BICC1: variants seen among roughly 807,000 people sequenced by gnomAD.
BICC1 encodes the protein BicC family RNA binding protein 1.
BICC1 carries 43 observed loss-of-function variants against 111.0 expected under a neutral mutation model. The observed-to-expected ratio is 0.39, with a 90% CI of 0.30 to 0.50. The LOEUF (loss-of-function observed/expected upper bound fraction) is 0.50. Among genes scored for constraint, BICC1 ranks in the 20% least tolerant of loss-of-function variants. The pLI, the probability that BICC1 is intolerant of heterozygous loss-of-function variation, is 0.88. For missense variants in BICC1, 1,091 were observed against 1,203.2 expected (o/e 0.91, Z 1.38); for synonymous variants, 467 against 434.4 (o/e 1.07, Z -0.93).
rs1321910182 is a variant in BICC1, at chr10:58,814,348, T to C, written c.2533+362T>C. On this transcript the variant is annotated intron_variant, in intron 18 of 20. Coordinates refer to ENST00000373886, the MANE Select transcript of BICC1 (RefSeq NM_001080512.3). ...AAGTATTCTGTTATGCTCTGCCTTA[T>C]TGGATATTTCTTCCCAAACGCCTAG... 7.3e-6 allele frequency: 4 copies of C among 548,604 alleles called. No homozygotes were observed. In the African/African-American group the frequency reaches 7.6e-5, roughly 10 times the overall value. 34.0% of individuals were successfully genotyped at this position (548,604 alleles called of 1,614,324 possible).
chr10:58,751,269 C>G (rs1841984463), intron 3 of BICC1, among the ~76,000 whole-genome samples: 1 of 152,148 alleles, frequency 6.6e-6, no homozygotes, highest in Non-Finnish European at 1.5e-5. Flanking sequence ...TATTTCTATA[C>G]TACTAAAGTG....
At chr10:58,608,645 A>G (rs1044182151) in intron 1 of BICC1, among the ~76,000 whole-genome samples, 2 of 152,324 alleles carry the variant, frequency 1.3e-5, no homozygotes, top group Non-Finnish European at 1.5e-5. Flanking sequence ...TTAGAGGTCA[A>G]AGTAGAAGGC....
chr10:58,709,892 G>C (rs1266511649), intron 3 of BICC1, among the ~76,000 whole-genome samples: 1 of 152,184 alleles, frequency 6.6e-6, no homozygotes, highest in Non-Finnish European at 1.5e-5. Context: ...ACCTGAATGA[G>C]TGAAACTCCG....
At chr10:58,786,877 C>A in intron 4 of BICC1, 46 bp from the exon 5 acceptor site, 2 of 1,416,882 alleles carry the variant, frequency 1.4e-6, no homozygotes, top group South Asian at 1.7e-5. Context: ...GGAGGTCATT[C>A]TTTCCTTTTG....
At chr10:58,709,399 A>T (rs1378278286) in intron 3 of BICC1, among the ~76,000 whole-genome samples, 1 of 152,238 alleles carries the variant, frequency 6.6e-6, no homozygotes. Context: ...GCAAACATAC[A>T]CCTGTGCACA....
At chr10:58,664,590 T>C (rs1838950252) in intron 2 of BICC1, among the ~76,000 whole-genome samples, 1 of 152,166 alleles carries the variant, frequency 6.6e-6, no homozygotes, top group Non-Finnish European at 1.5e-5. Context: ...GATCCTTATA[T>C]TAATTGTAGT....
At chr10:58,758,587 C>T (rs967518812) in intron 3 of BICC1, among the ~76,000 whole-genome samples, 1 of 152,218 alleles carries the variant, frequency 6.6e-6, no homozygotes, top group African/African-American at 2.4e-5. Flanking sequence ...AATAACCAAA[C>T]TGTGGGTCTA....
chr10:58,788,362 T>C lies in BICC1; in HGVS notation c.547-8T>C, dbSNP rs1843072334. The stretch of plus-strand genomic sequence containing the variant: ...TAAATCTAACTTTGTATTTTCCTCC[T>C]CTTATAGGTATCTATAGCGGGACAA... On this transcript the variant is annotated splice_polypyrimidine_tract_variant and splice_region_variant and intron_variant, in intron 5 of 20. Transcript: ENST00000373886. 2.5e-6 allele frequency: 4 copies of C among 1,600,390 alleles called. No homozygotes were observed. Among genetic ancestry groups the C allele is most frequent in the Non-Finnish European group, 3.4e-6 (4 of 1,168,606 alleles).
At chr10:58,738,106 G>A (rs1428668566) in intron 3 of BICC1, among the ~76,000 whole-genome samples, 1 of 152,140 alleles carries the variant, frequency 6.6e-6, no homozygotes, top group Non-Finnish European at 1.5e-5. Flanking sequence ...GATCCCATTT[G>A]TCAATTTTGG....
chr10:58,531,367 G>C (rs1212150790), intron 1 of BICC1, among the ~76,000 whole-genome samples: 1 of 151,766 alleles, frequency 6.6e-6, no homozygotes, highest in Non-Finnish European at 1.5e-5. Context: ...ACACACATAG[G>C]CTCAGAAAAA....
chr10:58,584,204 T>G (rs1230896854), intron 1 of BICC1, among the ~76,000 whole-genome samples: 2 of 152,128 alleles, frequency 1.3e-5, no homozygotes, highest in Non-Finnish European at 2.9e-5. Context: ...TTTTATAGCT[T>G]TCCTTTATCG....
intron 3 of BICC1, among the ~76,000 whole-genome samples, chr10:58,744,483 T>G (rs1282629469): frequency 6.6e-6 from 1 of 152,124 alleles, no homozygotes; most frequent in African/African-American, 2.4e-5. Context: ...GTTAAAAAAT[T>G]AGAATGAGGT....
At chr10:58,585,273 A>G (rs566996488) in intron 1 of BICC1, among the ~76,000 whole-genome samples, 1 of 152,280 alleles carries the variant, frequency 6.6e-6, no homozygotes, top group South Asian at 2.1e-4. Context: ...TGTGACACAA[A>G]TCTTTGTGTG....
At chr10:58,599,647 A>G (rs1460587324) in intron 1 of BICC1, among the ~76,000 whole-genome samples, 4 of 152,152 alleles carry the variant, frequency 2.6e-5, no homozygotes, top group Non-Finnish European at 5.9e-5. Context: ...CTTAAAGCAT[A>G]TTAATAAAAA....
At chr10:58,659,759 G>A (rs1020371546) in intron 2 of BICC1, among the ~76,000 whole-genome samples, 2 of 152,124 alleles carry the variant, frequency 1.3e-5, no homozygotes, top group African/African-American at 4.8e-5. Flanking sequence ...TTTATGTCAA[G>A]TGACTGATAA....
At chr10:58,623,248 T>A (rs950177435) in intron 2 of BICC1, among the ~76,000 whole-genome samples, 5 of 152,340 alleles carry the variant, frequency 3.3e-5, no homozygotes, top group East Asian at 1.9e-4. Context: ...AAATTAATTT[T>A]AAAAATCTTC....
intron 3 of BICC1, among the ~76,000 whole-genome samples, chr10:58,718,632 A>C (rs989209120): frequency 6.6e-6 from 1 of 152,178 alleles, no homozygotes; most frequent in African/African-American, 2.4e-5. Context: ...AAATACTAAT[A>C]ATGTGTTAAT....
At chr10:58,546,975 A>G (rs1843155317) in intron 1 of BICC1, among the ~76,000 whole-genome samples, 5 of 152,160 alleles carry the variant, frequency 3.3e-5, no homozygotes, top group Admixed American at 3.3e-4. Context: ...CTTCACTGGT[A>G]AGATTTTGTC....
intron 1 of BICC1, among the ~76,000 whole-genome samples, chr10:58,556,358 A>G (rs1468258644): frequency 2.6e-5 from 4 of 152,146 alleles, no homozygotes; most frequent in Non-Finnish European, 1.5e-5. Context: ...AATGTATATT[A>G]AAAGTTATTG....
Sources: gnomAD v4.1 joint callset for allele counts (sites outside exome capture counted in the v4.1 genomes callset) on GRCh38, gnomAD v4.1.1 for gene constraint, MANE v1.5 for transcripts, NCBI Gene and HGNC (gene_info 2026-07-23, HGNC 2026-07-21) for gene names.